Variants in CDH10 observed in about 807,000 individuals in gnomAD.
The protein encoded by CDH10 is cadherin-10.
In CDH10, 30 loss-of-function variants were observed where a neutral mutation model predicts 73.1. That is an observed-to-expected ratio of 0.41 (90% confidence interval 0.31 to 0.56). CDH10 has a LOEUF of 0.56. Ranked by LOEUF, CDH10 falls within the 20% of genes least tolerant of loss-of-function variation. The probability of loss-of-function intolerance (pLI) is 0.27; values close to 1 mark genes in which losing one functional copy is unlikely to be tolerated. For synonymous variants in CDH10, 345 were observed against 348.2 expected (o/e 0.99, Z 0.10); for missense variants, 815 against 973.7 (o/e 0.84, Z 2.17).
chr5:24,501,852 G>C (rs1217607179), intron 8 of CDH10, among the ~76,000 whole-genome samples: 1 of 151,924 alleles, frequency 6.6e-6, no homozygotes, highest in African/African-American at 2.4e-5. Flanking sequence ...TAACAAATAT[G>C]CCCTAAAATC....
chr5:24,639,689 T>C (rs1747982940), intron 1 of CDH10, among the ~76,000 whole-genome samples: 1 of 151,842 alleles, frequency 6.6e-6, no homozygotes, highest in African/African-American at 2.4e-5. Flanking sequence ...AAACTGGTAA[T>C]ACTTGTTTCT....
chr5:24,538,217 G>A (rs1744027533), intron 2 of CDH10, among the ~76,000 whole-genome samples: 1 of 152,022 alleles, frequency 6.6e-6, no homozygotes, highest in Non-Finnish European at 1.5e-5. Flanking sequence ...ACAATAGACA[G>A]CGATTACCCC....
At position 24,509,735 on chromosome 5, in the gene CDH10, C is replaced by A; in HGVS notation, c.1087G>T (p.Gly363Ter). The change falls in exon 7 of 12, where the codon GGA becomes TGA. Residue 363 changes from glycine (G) to a stop codon, truncating the protein, a stop_gained. Transcript: ENST00000264463. LOFTEE classifies it high-confidence loss of function. ...ACTATGGTAGTATCTTTAAATGGTC[C>A]TAGGTAATAAAAACGGGGATCTACA... The part of the protein sequence containing the change: ...THVDPRFYYL[G>*]PFKDTTIVKI... 6.2e-7 allele frequency: 1 copy of A among 1,612,970 alleles called. No individual in the cohort carries two copies. Among genetic ancestry groups the A allele is most frequent in the East Asian group, 2.2e-5 (1 of 44,850 alleles).
intron 5 of CDH10, among the ~76,000 whole-genome samples, chr5:24,529,439 T>G (rs1242902850): frequency 6.6e-6 from 1 of 152,010 alleles, no homozygotes; most frequent in African/African-American, 2.4e-5. Context: ...ACCTATAATT[T>G]ATCTTAATAA....
chr5:24,615,048 C>T (rs965478669), intron 1 of CDH10, among the ~76,000 whole-genome samples: 2 of 152,154 alleles, frequency 1.3e-5, no homozygotes, highest in African/African-American at 4.8e-5. Context: ...CATCCACTCT[C>T]AACTATGCTT....
In CDH10 at chr5:24,594,302, G is replaced by T. The variant is rs1746298083; in HGVS notation, c.-123-689C>A. ...TGCTTCTAACTACCTCTACTGCCTG[G>T]TCCAGAACTCCACTATACCCCAGGC... On this transcript the variant is annotated intron_variant, in intron 1 of 11. Transcript: ENST00000264463. Among the ~76,000 whole-genome samples the T allele has an allele frequency of 2.0e-5, 3 of 151,918 alleles. No homozygotes were observed. In the South Asian group the frequency reaches 6.2e-4, roughly 32 times the overall value.
At chr5:24,564,806 A>G (rs992595821) in intron 2 of CDH10, among the ~76,000 whole-genome samples, 4 of 152,040 alleles carry the variant, frequency 2.6e-5, no homozygotes, top group Non-Finnish European at 4.4e-5. Flanking sequence ...CAAATCTCCC[A>G]TGTCTTCCAC....
intron 2 of CDH10, among the ~76,000 whole-genome samples, chr5:24,545,638 C>G (rs536678427): frequency 1.3e-5 from 2 of 151,996 alleles, no homozygotes; most frequent in African/African-American, 4.8e-5. Context: ...AACACAGACT[C>G]CTCTCTACAT....
intron 9 of CDH10, among the ~76,000 whole-genome samples, chr5:24,494,561 G>A (rs934235615): frequency 1.3e-5 from 2 of 151,816 alleles, no homozygotes; most frequent in Admixed American, 1.3e-4. Context: ...AAACTCAAAT[G>A]TTTCAAAATA....
At chr5:24,501,997 C>T (rs568665990) in intron 8 of CDH10, among the ~76,000 whole-genome samples, 1 of 152,132 alleles carries the variant, frequency 6.6e-6, no homozygotes, top group South Asian at 2.1e-4. Context: ...CCGCTCACTG[C>T]AAGCTCCGCC....
At chr5:24,586,840 A>ATTTTTTTTTTTTTTTTT (rs1746023448) in intron 2 of CDH10, among the ~76,000 whole-genome samples, 2 of 100,604 alleles carry the variant, frequency 2.0e-5, no homozygotes, top group African/African-American at 1.0e-4. Flanking sequence ...GATAGCCCAT[A>ATTTTTTTTTTTTTTTTT]TTCTTTTTTT....
chr5:24,556,784 C>T (rs1744782927), intron 2 of CDH10, among the ~76,000 whole-genome samples: 1 of 151,544 alleles, frequency 6.6e-6, no homozygotes, highest in South Asian at 2.1e-4. Context: ...AAAAAATCAG[C>T]CCATTTGGTA....
chr5:24,575,318 C>A (rs1359815718), intron 2 of CDH10, among the ~76,000 whole-genome samples: 1 of 138,870 alleles, frequency 7.2e-6, no homozygotes, highest in Non-Finnish European at 1.6e-5. Flanking sequence ...GCTGTGGTCA[C>A]GCCACTGCAC....
At chr5:24,563,795 A>G (rs1030219707) in intron 2 of CDH10, among the ~76,000 whole-genome samples, 4 of 147,996 alleles carry the variant, frequency 2.7e-5, no homozygotes, top group Non-Finnish European at 6.0e-5. Context: ...AAAAAAAAAA[A>G]AAAAGAGAAA....
At chr5:24,601,099 T>A (rs1368590215) in intron 1 of CDH10, among the ~76,000 whole-genome samples, 1 of 152,162 alleles carries the variant, frequency 6.6e-6, no homozygotes, top group Non-Finnish European at 1.5e-5. Context: ...AAAAGTTCAG[T>A]TTTTTATTTT....
At chr5:24,632,921 G>A (rs1042337469) in intron 1 of CDH10, among the ~76,000 whole-genome samples, 1 of 151,686 alleles carries the variant, frequency 6.6e-6, no homozygotes, top group African/African-American at 2.4e-5. Flanking sequence ...TGATGATGAG[G>A]AGGACAATGT....
intron 8 of CDH10, among the ~76,000 whole-genome samples, chr5:24,500,736 C>A (rs188577031): frequency 2.4e-4 from 37 of 152,288 alleles, no homozygotes; most frequent in Non-Finnish European, 4.6e-4. Context: ...ACTCAATATG[C>A]GTTGACTATA....
At chr5:24,610,434 A>G (rs908249214) in intron 1 of CDH10, among the ~76,000 whole-genome samples, 1 of 152,100 alleles carries the variant, frequency 6.6e-6, no homozygotes. Context: ...TGCTAATTGT[A>G]TTTGATTAAA....
At chr5:24,632,518 T>C (rs1307670101) in intron 1 of CDH10, among the ~76,000 whole-genome samples, 2 of 152,128 alleles carry the variant, frequency 1.3e-5, no homozygotes, top group South Asian at 2.1e-4. Flanking sequence ...AGAAGGAGCA[T>C]GGTTTAATGG....
Sources: gnomAD v4.1 joint callset for allele counts (sites outside exome capture counted in the v4.1 genomes callset) on GRCh38, gnomAD v4.1.1 for gene constraint, MANE v1.5 for transcripts, NCBI Gene and HGNC (gene_info 2026-07-23, HGNC 2026-07-21) for gene names.